The following PTPRG variants were observed in gnomAD, a reference collection of about 807,000 sequenced individuals.
The protein encoded by PTPRG is protein tyrosine phosphatase receptor type G.
In PTPRG, 102 loss-of-function variants were observed where a neutral mutation model predicts 165.3. That is an observed-to-expected ratio of 0.62 (90% CI 0.53 to 0.73). The LOEUF is 0.73. Among genes scored for constraint, PTPRG ranks in the 30% least tolerant of loss-of-function variants. PTPRG has a pLI of 0.00. For synonymous variants in PTPRG, 675 were observed against 669.5 expected, an observed-to-expected ratio of 1.01 and a Z score of -0.13; for missense variants, 1,866 against 1,861.4, an observed-to-expected ratio of 1.00 and a Z score of -0.05.
intron 16 of PTPRG, 61 bp from the exon 17 acceptor site, chr3:62,262,737 A>G: frequency 7.8e-7 from 1 of 1,286,192 alleles, no homozygotes; most frequent in African/African-American, 1.5e-5. Flanking sequence ...ATGCCTTTAA[A>G]TGTATATGGT....
At chr3:61,738,552 T>C (rs1435926137) in intron 1 of PTPRG, among the ~76,000 whole-genome samples, 1 of 142,066 alleles carries the variant, frequency 7.0e-6, no homozygotes, top group Non-Finnish European at 1.5e-5. Flanking sequence ...ATGAATCTGC[T>C]TTTTTTTTTT....
chr3:62,091,824 T>C (rs1701940349), intron 5 of PTPRG, among the ~76,000 whole-genome samples: 1 of 151,994 alleles, frequency 6.6e-6, no homozygotes, highest in Non-Finnish European at 1.5e-5. Flanking sequence ...GGAGATGTTA[T>C]TCTCTTCTAT....
chr3:61,888,198 T>TG (rs1491398945), intron 2 of PTPRG, among the ~76,000 whole-genome samples: 43 of 146,560 alleles, frequency 2.9e-4, no homozygotes, highest in African/African-American at 9.7e-4. Flanking sequence ...TTTTTAAATC[T>TG]TTGTGTGTGT....
chr3:61,964,931 A>T (rs745728162), intron 2 of PTPRG, among the ~76,000 whole-genome samples: 1 of 152,088 alleles, frequency 6.6e-6, no homozygotes, highest in Non-Finnish European at 1.5e-5. Flanking sequence ...AATCAAAATG[A>T]TATAATTTTG....
At chr3:62,122,499 G>A (rs561412143) in intron 5 of PTPRG, among the ~76,000 whole-genome samples, 1 of 152,188 alleles carries the variant, frequency 6.6e-6, no homozygotes, top group East Asian at 1.9e-4. Context: ...AAAGCTTTAG[G>A]ATATGTAATT....
intron 2 of PTPRG, among the ~76,000 whole-genome samples, chr3:61,902,307 T>C (rs960623940): frequency 2.6e-5 from 4 of 152,188 alleles, no homozygotes. Flanking sequence ...AGAGCTACTT[T>C]CCATTGTATG....
intron 4 of PTPRG, among the ~76,000 whole-genome samples, chr3:62,069,573 C>T (rs1429300655): frequency 6.6e-6 from 1 of 151,162 alleles, no homozygotes; most frequent in African/African-American, 2.4e-5. Context: ...TGCTTAAAAC[C>T]GGTAATGATT....
At chr3:61,888,494 C>T (rs1241562635) in intron 2 of PTPRG, among the ~76,000 whole-genome samples, 1 of 152,028 alleles carries the variant, frequency 6.6e-6, no homozygotes, top group Admixed American at 6.6e-5. Flanking sequence ...CTATGCGCGG[C>T]TAATTTTTTT....
intron 1 of PTPRG, among the ~76,000 whole-genome samples, chr3:61,579,902 G>A (rs1255191397): frequency 6.6e-6 from 1 of 152,216 alleles, no homozygotes; most frequent in African/African-American, 2.4e-5. Context: ...TTTGAACTGT[G>A]TGGGTCCACT....
At chr3:62,035,976 T>C (rs1452027910) in intron 4 of PTPRG, among the ~76,000 whole-genome samples, 1 of 151,988 alleles carries the variant, frequency 6.6e-6, no homozygotes, top group Non-Finnish European at 1.5e-5. Context: ...CAGGGATGTA[T>C]TCAACATATT....
chr3:62,060,285 G>T (rs1330803833), intron 4 of PTPRG, among the ~76,000 whole-genome samples: 2 of 151,962 alleles, frequency 1.3e-5, no homozygotes, highest in African/African-American at 2.4e-5. Flanking sequence ...ACCTTTAGTG[G>T]CTGTAGCCTA....
Position 62,296,057 on chromosome 3 carries a change from A to T in PTPRG, c.*2750A>T, listed in dbSNP as rs566303893. 1 of 152,142 alleles carries T rather than the reference A, an allele frequency of 6.6e-6. No homozygotes were observed. Among genetic ancestry groups the T allele is most frequent in the South Asian group, 2.1e-4 (1 of 4,834 alleles). The allele number at this position is 152,142 out of a possible 1,614,324, so 9.4% of individuals were successfully genotyped here. On this transcript the variant is annotated 3_prime_UTR_variant, in exon 30 of 30. Coordinates refer to ENST00000474889, the MANE Select transcript of PTPRG (RefSeq NM_002841.4). ...TCTAGGTAAGCAAAATGCACACATC[A>T]TATAAAAATAAATTGCAATGATCAG...
At chr3:62,032,696 A>G (rs1210084959) in intron 4 of PTPRG, among the ~76,000 whole-genome samples, 2 of 152,204 alleles carry the variant, frequency 1.3e-5, no homozygotes, top group East Asian at 3.8e-4. Context: ...ATCTCATTCA[A>G]CGCCTAACGT....
intron 2 of PTPRG, among the ~76,000 whole-genome samples, chr3:61,793,810 A>G (rs2034965425): frequency 1.3e-5 from 2 of 152,160 alleles, no homozygotes; most frequent in African/African-American, 2.4e-5. Flanking sequence ...AAAAGGACCA[A>G]AGTTAATTCC....
chr3:61,820,007 A>G (rs977976748), intron 2 of PTPRG, among the ~76,000 whole-genome samples: 2 of 152,174 alleles, frequency 1.3e-5, no homozygotes, highest in Non-Finnish European at 2.9e-5. Flanking sequence ...TTTTATTAAT[A>G]ATAAAAAAGA....
At chr3:61,757,740 T>A (rs1354506008) in intron 2 of PTPRG, among the ~76,000 whole-genome samples, 1 of 152,238 alleles carries the variant, frequency 6.6e-6, no homozygotes, top group Non-Finnish European at 1.5e-5. Context: ...ACAGAAGTTG[T>A]ATATAAATAT....
At chr3:62,088,757 A>G (rs1478476264) in intron 5 of PTPRG, among the ~76,000 whole-genome samples, 3 of 152,262 alleles carry the variant, frequency 2.0e-5, no homozygotes, top group African/African-American at 7.2e-5. Flanking sequence ...AGGAAGATCA[A>G]TGAAACTCCC....
intron 2 of PTPRG, among the ~76,000 whole-genome samples, chr3:61,791,503 T>C (rs1323372742): frequency 6.6e-6 from 1 of 152,236 alleles, no homozygotes; most frequent in Non-Finnish European, 1.5e-5. Flanking sequence ...ACTTACTTTT[T>C]TTGAGAGGGA....
At chr3:61,742,734 G>A in intron 1 of PTPRG, 1 of 1,610,300 alleles carries the variant, frequency 6.2e-7, no homozygotes, top group Non-Finnish European at 8.5e-7. Flanking sequence ...TTAGACCTGG[G>A]CCGAGGATTC....
Sources: gnomAD v4.1 joint callset for allele counts (sites outside exome capture counted in the v4.1 genomes callset) on GRCh38, gnomAD v4.1.1 for gene constraint, MANE v1.5 for transcripts, NCBI Gene and HGNC (gene_info 2026-07-23, HGNC 2026-07-21) for gene names.